The following SNX13 variants were observed in gnomAD, a reference collection of about 807,000 sequenced individuals.
SNX13 encodes the protein sorting nexin 13.
In SNX13, 45 loss-of-function variants were observed where a neutral mutation model predicts 133.6. The ratio of observed to expected loss-of-function variants is 0.34; its 90% CI spans 0.27 to 0.43. The LOEUF is 0.43. Among genes scored for constraint, SNX13 ranks in the 20% least tolerant of loss-of-function variants. SNX13 has a pLI of 1.00. For synonymous variants in SNX13, 414 were observed against 373.9 expected, an observed-to-expected ratio of 1.11 and a Z score of -1.24; for missense variants, 1,032 against 1,145.1, an observed-to-expected ratio of 0.90 and a Z score of 1.43.
At chr7:17,861,877 C>T (rs1583523041) in intron 9 of SNX13, among the ~76,000 whole-genome samples, 1 of 152,176 alleles carries the variant, frequency 6.6e-6, no homozygotes, top group East Asian at 1.9e-4. Flanking sequence ...CCTTTCTTTC[C>T]TGCTATAAAG....
rs1783672162 is a variant in SNX13, at chr7:17,792,788, G to C, written c.*1257C>G. 1 of 152,288 alleles carries C rather than the reference G, an allele frequency of 6.6e-6. No individual in the cohort carries two copies. The allele number at this position is 152,288 out of a possible 1,614,324, so 9.4% of individuals were successfully genotyped here. ...ATAGAAGGGATGTGAATACTTCTAAGATGGATAAAATGGACAGTCAGAAAA... is the reference window on the plus strand; with the variant it reads ...ATAGAAGGGATGTGAATACTTCTAACATGGATAAAATGGACAGTCAGAAAA... On this transcript the variant is annotated 3_prime_UTR_variant, in exon 26 of 26. Coordinates refer to ENST00000428135, the MANE Select transcript of SNX13 (RefSeq NM_015132.5).
intron 1 of SNX13, among the ~76,000 whole-genome samples, chr7:17,936,708 T>C (rs1172741443): frequency 6.6e-6 from 1 of 152,140 alleles, no homozygotes; most frequent in East Asian, 1.9e-4. Flanking sequence ...AAAAATTCAC[T>C]GATAAATATT....
intron 9 of SNX13, among the ~76,000 whole-genome samples, chr7:17,865,292 T>C (rs903711763): frequency 5.9e-5 from 9 of 152,152 alleles, no homozygotes; most frequent in African/African-American, 1.2e-4. Context: ...TAAACAAATT[T>C]AGTAAAGCTT....
Position 17,849,943 on chromosome 7 carries a change from G to A in SNX13, c.1065+404C>T, listed in dbSNP as rs750088376. On this transcript the variant is annotated intron_variant, in intron 11 of 25. Coordinates refer to ENST00000428135, the MANE Select transcript of SNX13 (RefSeq NM_015132.5). ...AGTAGATATCACCACCTGATATTACGCGTCAATTTGCTTATTGGTTTATTT... is the reference window on the plus strand; with the variant it reads ...AGTAGATATCACCACCTGATATTACACGTCAATTTGCTTATTGGTTTATTT... Among the ~76,000 whole-genome samples, 6 of 152,010 alleles carry A rather than the reference G, an allele frequency of 3.9e-5. No homozygotes were observed. In the East Asian group the frequency reaches 7.7e-4, roughly 20 times the overall value.
intron 1 of SNX13, among the ~76,000 whole-genome samples, chr7:17,916,007 CA>C: frequency 6.6e-6 from 1 of 152,160 alleles, no homozygotes; most frequent in Non-Finnish European, 1.5e-5. Context: ...AGATGACTCT[CA>C]AAACCACAAA....
intron 17 of SNX13, among the ~76,000 whole-genome samples, chr7:17,824,143 C>T (rs895180117): frequency 3.3e-5 from 5 of 151,666 alleles, no homozygotes; most frequent in East Asian, 3.9e-4. Context: ...TCATAGCAGG[C>T]GATCTGCAAA....
intron 9 of SNX13, chr7:17,868,180 A>G: frequency 2.2e-6 from 1 of 456,066 alleles, no homozygotes; most frequent in Non-Finnish European, 3.9e-6. Flanking sequence ...AAATAGTAGT[A>G]GCACCATAAC....
chr7:17,937,059 T>A (rs539784106), intron 1 of SNX13, among the ~76,000 whole-genome samples: 1 of 142,722 alleles, frequency 7.0e-6, no homozygotes, highest in Non-Finnish European at 1.5e-5. Flanking sequence ...ATACAGCTCA[T>A]CCCTGTATGT....
chr7:17,799,786 T>C (rs888236746), intron 22 of SNX13, among the ~76,000 whole-genome samples: 2 of 151,672 alleles, frequency 1.3e-5, no homozygotes, highest in Admixed American at 6.6e-5. Context: ...ACCACTAAGG[T>C]AAAAAGGAAG....
At chr7:17,837,986 T>C (rs1789350110) in intron 13 of SNX13, among the ~76,000 whole-genome samples, 1 of 151,928 alleles carries the variant, frequency 6.6e-6, no homozygotes, top group Non-Finnish European at 1.5e-5. Context: ...TCGTCAAAGA[T>C]CACCTACCAA....
At chr7:17,809,488 C>A (rs984901277) in intron 20 of SNX13, among the ~76,000 whole-genome samples, 6 of 151,986 alleles carry the variant, frequency 3.9e-5, no homozygotes, top group African/African-American at 1.5e-4. Flanking sequence ...AAGAGACCTA[C>A]AAAGAGACTT....
chr7:17,806,804 G>A (rs1211603468), intron 20 of SNX13, among the ~76,000 whole-genome samples: 2 of 152,346 alleles, frequency 1.3e-5, no homozygotes, highest in Non-Finnish European at 2.9e-5. Context: ...AGTCCACAGA[G>A]GGCGAGCTGA....
chr7:17,866,419 A>G (rs1188178711), intron 9 of SNX13, among the ~76,000 whole-genome samples: 2 of 152,212 alleles, frequency 1.3e-5, no homozygotes, highest in African/African-American at 4.8e-5. Flanking sequence ...CATCATAGAA[A>G]TACAAACTAC....
intron 22 of SNX13, 31 bp downstream of exon 22, chr7:17,801,557 C>T: frequency 1.3e-6 from 2 of 1,559,876 alleles, no homozygotes; most frequent in African/African-American, 1.4e-5. Flanking sequence ...ATGACTTAAA[C>T]TAAATACTAC....
chr7:17,811,955 T>C (rs1347869288), intron 20 of SNX13, among the ~76,000 whole-genome samples: 1 of 152,106 alleles, frequency 6.6e-6, no homozygotes, highest in African/African-American at 2.4e-5. Flanking sequence ...GGCAGAAAAC[T>C]GAAACTGGAC....
At chr7:17,929,071 G>C (rs1343337741) in intron 1 of SNX13, among the ~76,000 whole-genome samples, 1 of 152,044 alleles carries the variant, frequency 6.6e-6, no homozygotes, top group African/African-American at 2.4e-5. Context: ...GGGGTAGAAA[G>C]ATTAAAGGCT....
At chr7:17,851,669 A>G (rs1205223138) in intron 9 of SNX13, among the ~76,000 whole-genome samples, 1 of 138,710 alleles carries the variant, frequency 7.2e-6, no homozygotes, top group Non-Finnish European at 1.5e-5. Flanking sequence ...TAGTGGAGTT[A>G]CCACTAAACA....
chr7:17,858,733 G>A (rs952543392), intron 9 of SNX13, among the ~76,000 whole-genome samples: 3 of 152,096 alleles, frequency 2.0e-5, no homozygotes, highest in Admixed American at 2.0e-4. Flanking sequence ...TAAAGCTAAA[G>A]TAATCAGAAA....
chr7:17,906,584 T>G (rs1461835584), intron 1 of SNX13, among the ~76,000 whole-genome samples: 1 of 152,272 alleles, frequency 6.6e-6, no homozygotes, highest in East Asian at 1.9e-4. Context: ...CTTAACTTCC[T>G]CTCATAATCT....
Sources: allele counts gnomAD v4.1 joint callset (sites outside exome capture counted in the v4.1 genomes callset), GRCh38; gene constraint gnomAD v4.1.1; transcripts MANE v1.5; gene names NCBI Gene and HGNC (gene_info 2026-07-23, HGNC 2026-07-21).